MIER3: variants seen among roughly 807,000 people sequenced by gnomAD.
MIER3 encodes MIER family member 3, also known as mesoderm induction early response protein 3.
In MIER3, 9 loss-of-function variants were observed where a neutral mutation model predicts 63.2. The observed-to-expected ratio is 0.14, with a 90% CI of 0.09 to 0.25. The LOEUF (loss-of-function observed/expected upper bound fraction) is 0.25. Ranked by LOEUF, MIER3 falls within the 10% of genes least tolerant of loss-of-function variation. The pLI is 1.00. For synonymous variants in MIER3, 205 were observed against 224.9 expected (o/e 0.91, Z 0.79); for missense variants, 512 against 666.2 (o/e 0.77, Z 2.55).
In MIER3 at chr5:56,946,162, T is replaced by G. The variant is rs538938811; in HGVS notation, c.180+764A>C. Among the ~76,000 whole-genome samples, 4 of 152,314 alleles carry G rather than the reference T, an allele frequency of 2.6e-5. 1 individual carries two copies. In the South Asian group the frequency reaches 8.3e-4, roughly 32 times the overall value. ...GCAGAGGAGATGATATATATAAGAATGTGCTTGCCCTTTTCAAGAAAAAGA... is the reference window on the plus strand; with the variant it reads ...GCAGAGGAGATGATATATATAAGAAGGTGCTTGCCCTTTTCAAGAAAAAGA... On this transcript the variant is annotated intron_variant, in intron 3 of 12. Coordinates refer to ENST00000381199, the MANE Select transcript of MIER3 (RefSeq NM_001297599.2).
intron 3 of MIER3, among the ~76,000 whole-genome samples, chr5:56,944,438 G>A (rs1002708810): frequency 5.3e-5 from 8 of 151,424 alleles, no homozygotes; most frequent in Non-Finnish European, 1.2e-4. Flanking sequence ...CCAAGATTGC[G>A]CCACTGCACT....
At chr5:56,936,622 T>C (rs932641953) in intron 5 of MIER3, among the ~76,000 whole-genome samples, 3 of 152,090 alleles carry the variant, frequency 2.0e-5, no homozygotes, top group South Asian at 2.1e-4. Flanking sequence ...GTGATCCTCC[T>C]ACCTCAGCCT....
intron 10 of MIER3, 55 bp from the exon 11 acceptor site, chr5:56,924,097 C>A: frequency 6.4e-7 from 1 of 1,573,616 alleles, no homozygotes; most frequent in Non-Finnish European, 8.6e-7. Flanking sequence ...TTTTTTTAAG[C>A]AACTTTTCTT....
At chr5:56,933,212 A>T (rs750618244) in intron 8 of MIER3, 35 bp downstream of exon 8, 2 of 1,539,402 alleles carry the variant, frequency 1.3e-6, no homozygotes, top group Admixed American at 2.1e-5. Flanking sequence ...AGATACTGTA[A>T]ACTGGCTGCT....
chr5:56,930,045 A>AC (rs1750205323), intron 9 of MIER3, among the ~76,000 whole-genome samples: 1 of 152,170 alleles, frequency 6.6e-6, no homozygotes. Flanking sequence ...TAAATGTATT[A>AC]TTTTTAGTTT....
intron 3 of MIER3, among the ~76,000 whole-genome samples, chr5:56,945,459 T>C (rs1685941635): frequency 6.6e-6 from 1 of 150,964 alleles, no homozygotes; most frequent in African/African-American, 2.5e-5. Flanking sequence ...CAAGTCTTCG[T>C]CTCAAAAAAA....
chr5:56,942,984 A>AT (rs970439209), intron 3 of MIER3, among the ~76,000 whole-genome samples: 18 of 151,704 alleles, frequency 1.2e-4, no homozygotes, highest in African/African-American at 3.9e-4. Context: ...TATAAAAAAA[A>AT]TTTTTTTTTA....
intron 1 of MIER3, among the ~76,000 whole-genome samples, chr5:56,951,292 C>A (rs1381701557): frequency 6.6e-6 from 1 of 152,040 alleles, no homozygotes; most frequent in African/African-American, 2.4e-5. Context: ...CGTCAGCGCG[C>A]CCCCCGCCCC....
chr5:56,940,827 AG>A (rs1271779495), intron 3 of MIER3, among the ~76,000 whole-genome samples: 2 of 152,318 alleles, frequency 1.3e-5, no homozygotes, highest in East Asian at 3.9e-4. Context: ...GTCTCTCTAC[AG>A]TCCTATCTTG....
chr5:56,923,431 A>C lies in MIER3; in HGVS notation c.1350T>G (p.Ser450Arg), dbSNP rs551756864. 6.2e-7 allele frequency: 1 copy of C among 1,614,002 alleles called. No homozygotes were observed. Among genetic ancestry groups the C allele is most frequent in the Non-Finnish European group, 8.5e-7 (1 of 1,180,028 alleles). The change falls in exon 13 of 13, where the codon AGT (serine) becomes AGG (arginine). Residue 450 changes from serine (S) to arginine (R), a missense_variant. By Grantham distance (110) the Ser-to-Arg change is moderately radical. Coordinates refer to ENST00000381199, the MANE Select transcript of MIER3 (RefSeq NM_001297599.2). ...CAGTCTCAAATAAATTAAAACAATC[A>C]CTTTCCCCATTGCTGGGCAGGGTGA... ...ELLTLPSNGE[S>R]DCFNLFETGF...
At chr5:56,939,634 C>G (rs2112125835) in intron 3 of MIER3, among the ~76,000 whole-genome samples, 1 of 152,144 alleles carries the variant, frequency 6.6e-6, no homozygotes, top group Middle Eastern at 3.4e-3. Context: ...GGTTTGAATC[C>G]CAGTTCCCCA....
intron 3 of MIER3, among the ~76,000 whole-genome samples, chr5:56,944,209 C>A (rs1027553332): frequency 6.6e-6 from 1 of 152,048 alleles, no homozygotes; most frequent in South Asian, 2.1e-4. Flanking sequence ...CGGTGGCTCA[C>A]GCCTGTAATC....
intron 8 of MIER3, among the ~76,000 whole-genome samples, chr5:56,932,391 T>G (rs889141064): frequency 6.6e-6 from 1 of 152,222 alleles, no homozygotes; most frequent in African/African-American, 2.4e-5. Flanking sequence ...CATTTGAGTT[T>G]CTAATGTTAT....
At chr5:56,935,388 TTATC>T (rs1366154268) in intron 7 of MIER3, 36 bp downstream of exon 7, 1 of 1,455,936 alleles carries the variant, frequency 6.9e-7, no homozygotes, top group East Asian at 2.3e-5. Context: ...AGTGGTAACC[TTATC>T]TACCAAACAT....
At chr5:56,950,434 T>C (rs1750979086) in intron 2 of MIER3, among the ~76,000 whole-genome samples, 194 bp downstream of exon 2, 1 of 142,188 alleles carries the variant, frequency 7.0e-6, no homozygotes, top group African/African-American at 2.7e-5. Flanking sequence ...AGTTACTTTT[T>C]CAACATGCAA....
intron 3 of MIER3, 23 bp from the exon 4 acceptor site, chr5:56,939,040 A>G: frequency 6.2e-7 from 1 of 1,612,602 alleles, no homozygotes; most frequent in Non-Finnish European, 8.5e-7. Flanking sequence ...GGGCATAAAC[A>G]CGGACTCAGC....
intron 2 of MIER3, among the ~76,000 whole-genome samples, chr5:56,947,812 A>G (rs2112151666): frequency 6.6e-6 from 1 of 152,358 alleles, no homozygotes; most frequent in Middle Eastern, 3.4e-3. Flanking sequence ...GTTGTTTTGG[A>G]TAATTCATAC....
chr5:56,952,054 C>T (rs1751056508), intron 1 of MIER3, 40 bp downstream of exon 1: 2 of 1,269,326 alleles, frequency 1.6e-6, no homozygotes, highest in East Asian at 3.9e-5. Flanking sequence ...GCCGGGCGCC[C>T]GCTCCAGCCC....
At chr5:56,949,295 TTA>T (rs1403868499) in intron 2 of MIER3, among the ~76,000 whole-genome samples, 1 of 151,958 alleles carries the variant, frequency 6.6e-6, no homozygotes, top group Non-Finnish European at 1.5e-5. Flanking sequence ...AAGGCGGAGG[TTA>T]CAGTGAGATT....
Sources: allele counts gnomAD v4.1 joint callset (sites outside exome capture counted in the v4.1 genomes callset), GRCh38; gene constraint gnomAD v4.1.1; transcripts MANE v1.5; gene names NCBI Gene and HGNC (gene_info 2026-07-23, HGNC 2026-07-21).